Variants in SH3D19 observed in about 807,000 individuals in gnomAD.
The protein encoded by SH3D19 is SH3 domain-containing protein 19.
Under a neutral mutation model 112.1 loss-of-function variants are expected in SH3D19, and 58 were observed. The observed-to-expected ratio is 0.52, with a 90% CI of 0.42 to 0.64. The LOEUF is 0.64. SH3D19 is among the 30% of genes least tolerant of loss of function. SH3D19 has a pLI of 0.00. For synonymous variants in SH3D19, 391 were observed against 448.5 expected (o/e 0.87, Z 1.62); for missense variants, 1,090 against 1,263.4 (o/e 0.86, Z 2.08).
At chr4:151,238,280 T>C (rs1331084145) in intron 1 of SH3D19, among the ~76,000 whole-genome samples, 1 of 152,168 alleles carries the variant, frequency 6.6e-6, no homozygotes, top group African/African-American at 2.4e-5. Context: ...AATTTTTTTA[T>C]CTATTTATGA....
At chr4:151,307,794 G>A (rs1163292285) in intron 1 of SH3D19, among the ~76,000 whole-genome samples, 1 of 152,266 alleles carries the variant, frequency 6.6e-6, no homozygotes, top group African/African-American at 2.4e-5. Flanking sequence ...CCCCTCCACA[G>A]GGTGAGCCAT....
At chr4:151,275,527 C>G (rs544950001) in intron 1 of SH3D19, among the ~76,000 whole-genome samples, 1 of 152,022 alleles carries the variant, frequency 6.6e-6, no homozygotes, top group Non-Finnish European at 1.5e-5. Flanking sequence ...ATTTTCTGGT[C>G]TTCCATTATT....
At chr4:151,274,438 C>A (rs1580373491) in intron 1 of SH3D19, among the ~76,000 whole-genome samples, 1 of 152,176 alleles carries the variant, frequency 6.6e-6, no homozygotes, top group Non-Finnish European at 1.5e-5. Flanking sequence ...GACAGTTAAT[C>A]CATGGCCATG....
chr4:151,139,216 C>G (rs192264043), intron 13 of SH3D19, among the ~76,000 whole-genome samples: 132 of 151,892 alleles, frequency 8.7e-4, no homozygotes, highest in African/African-American at 2.7e-3. Context: ...TGCAGTGGCG[C>G]GATCTCAGCT....
At chr4:151,236,097 C>T (rs1243827310) in intron 1 of SH3D19, among the ~76,000 whole-genome samples, 1 of 152,242 alleles carries the variant, frequency 6.6e-6, no homozygotes, top group Non-Finnish European at 1.5e-5. Flanking sequence ...GTGCTAGCAG[C>T]CCTCGTTCAC....
At chr4:151,220,723 A>G (rs2407411) in intron 2 of SH3D19, among the ~76,000 whole-genome samples, 123,284 of 152,166 alleles carry the variant, frequency 0.81, 52,284 homozygotes, top group Non-Finnish European at 0.95. Flanking sequence ...TTTTTAAACG[A>G]GTGTGTAGTA....
At chr4:151,321,255 G>C (rs1580486031) in intron 1 of SH3D19, among the ~76,000 whole-genome samples, 2 of 152,064 alleles carry the variant, frequency 1.3e-5, no homozygotes, top group South Asian at 4.2e-4. Context: ...CATGAATGGG[G>C]GACTTTCAGT....
At chr4:151,304,203 A>G (rs1245118190) in intron 1 of SH3D19, among the ~76,000 whole-genome samples, 2 of 152,192 alleles carry the variant, frequency 1.3e-5, no homozygotes, top group Non-Finnish European at 2.9e-5. Context: ...TAAGACCTCC[A>G]AAAGTCTATC....
At chr4:151,166,593 G>C (rs1317774756) in intron 7 of SH3D19, among the ~76,000 whole-genome samples, 1 of 151,902 alleles carries the variant, frequency 6.6e-6, no homozygotes, top group Non-Finnish European at 1.5e-5. Flanking sequence ...AGGATCGCAT[G>C]AGACTGTCTT....
At chr4:151,315,109 A>G (rs1729863546) in intron 1 of SH3D19, among the ~76,000 whole-genome samples, 1 of 152,210 alleles carries the variant, frequency 6.6e-6, no homozygotes, top group Admixed American at 6.5e-5. Context: ...GGCAACCAGG[A>G]GTCCATGCTA....
Position 151,261,389 on chromosome 4 carries a change from C to G in SH3D19, c.113-35303G>C, listed in dbSNP as rs1442113555. The G allele has an allele frequency of 2.0e-5, 3 of 152,292 alleles. No homozygotes were observed. In the East Asian group the frequency reaches 5.8e-4, roughly 29 times the overall value. The allele number at this position is 152,292 out of a possible 1,614,324, so 9.4% of individuals were successfully genotyped here. On this transcript the variant is annotated intron_variant, in intron 1 of 19. Transcript: ENST00000604030. ...CCCCCCACCCTGATTTCCAAGCAAA[C>G]ACATCTAGTGCCATCGCTGTGGTAG... is the stretch of plus-strand genomic sequence containing the variant.
chr4:151,248,529 T>G (rs1771119063), intron 1 of SH3D19, among the ~76,000 whole-genome samples: 1 of 152,244 alleles, frequency 6.6e-6, no homozygotes, highest in Non-Finnish European at 1.5e-5. Flanking sequence ...AGATTAAACT[T>G]AATTTAACAA....
At chr4:151,204,423 T>C (rs1421097150) in intron 2 of SH3D19, among the ~76,000 whole-genome samples, 5 of 152,230 alleles carry the variant, frequency 3.3e-5, no homozygotes, top group African/African-American at 4.8e-5. Flanking sequence ...GTTTACATAG[T>C]AAATCAGGGT....
intron 1 of SH3D19, among the ~76,000 whole-genome samples, chr4:151,275,250 C>A (rs1227204729): frequency 6.6e-6 from 1 of 151,994 alleles, no homozygotes; most frequent in African/African-American, 2.4e-5. Context: ...CTACACCCGG[C>A]TAATTTTTTG....
intron 2 of SH3D19, among the ~76,000 whole-genome samples, chr4:151,189,719 C>T (rs560685609): frequency 6.6e-6 from 1 of 152,148 alleles, no homozygotes; most frequent in African/African-American, 2.4e-5. Flanking sequence ...AACTGTGAGT[C>T]CAAAAAGAAA....
At chr4:151,277,193 C>T (rs1773711751) in intron 1 of SH3D19, 1 of 1,499,338 alleles carries the variant, frequency 6.7e-7, no homozygotes. Flanking sequence ...CTGGCTGTGC[C>T]TTCACGCTGC....
chr4:151,290,475 T>C (rs1775213588), intron 1 of SH3D19, among the ~76,000 whole-genome samples: 1 of 152,150 alleles, frequency 6.6e-6, no homozygotes, highest in Admixed American at 6.5e-5. Flanking sequence ...ATATGAAATG[T>C]CTAAAATAGG....
intron 11 of SH3D19, among the ~76,000 whole-genome samples, chr4:151,146,632 A>G (rs952799572): frequency 6.6e-6 from 1 of 152,204 alleles, no homozygotes; most frequent in Non-Finnish European, 1.5e-5. Context: ...TCCCGGGTTC[A>G]AGCAATTCTC....
intron 1 of SH3D19, among the ~76,000 whole-genome samples, chr4:151,300,963 C>T (rs749516756): frequency 2.0e-5 from 3 of 152,184 alleles, no homozygotes; most frequent in Non-Finnish European, 4.4e-5. Context: ...AAGTACTTCA[C>T]CCAGCTTTCT....
Sources: gnomAD v4.1 joint callset for allele counts (sites outside exome capture counted in the v4.1 genomes callset) on GRCh38, gnomAD v4.1.1 for gene constraint, MANE v1.5 for transcripts, NCBI Gene and HGNC (gene_info 2026-07-23, HGNC 2026-07-21) for gene names.